Variants in SMTNL2 observed in about 807,000 individuals in gnomAD.
The protein encoded by SMTNL2 is smoothelin like 2.
SMTNL2 carries 43 observed loss-of-function variants against 44.1 expected under a neutral mutation model. The ratio of observed to expected loss-of-function variants is 0.98; its 90% confidence interval spans 0.76 to 1.26. SMTNL2 has a LOEUF of 1.26. SMTNL2 is among the 50% of genes most tolerant of loss of function. The pLI is 0.00. For missense variants in SMTNL2, 646 were observed against 670.2 expected (o/e 0.96, Z 0.40); for synonymous variants, 317 against 287.6 (o/e 1.10, Z -1.03).
At chr17:4,596,190 A>C (rs1478050575) in intron 5 of SMTNL2, among the ~76,000 whole-genome samples, 1 of 112,020 alleles carries the variant, frequency 8.9e-6, no homozygotes, top group Non-Finnish European at 1.8e-5. Flanking sequence ...GTGTGGCCCA[A>C]GCGTGGTATT....
chr17:4,607,430 C>A lies in SMTNL2; in HGVS notation c.1329C>A (p.Pro443=). Residue 443 remains proline (P), a synonymous_variant, in exon 8 of 8, where the codon CCC becomes CCA. Coordinates refer to ENST00000389313, the MANE Select transcript of SMTNL2 (RefSeq NM_001114974.2). The surrounding 1 kb of genome is among the most constrained non-coding windows in gnomAD (Gnocchi z 4.7). ...TGGTGATGGGCCGCAAGCCGGACCC[C>A]ATGTGTGTCTTCACCTACGTCCAGT... The part of the protein sequence containing the change: ...DMMVMGRKPD[P]MCVFTYVQSL... 1 of 1,614,242 alleles carries A rather than the reference C, an allele frequency of 6.2e-7. No homozygotes were observed. The highest frequency in any genetic ancestry group is 1.3e-5 in the African/African-American group (1 of 75,054).
chr17:4,597,453 A>G (rs1909867049), intron 7 of SMTNL2, 130 bp downstream of exon 7: 2 of 1,298,670 alleles, frequency 1.5e-6, no homozygotes, highest in Admixed American at 2.3e-5. Flanking sequence ...CCCTGGGGCC[A>G]TGTGGTCTGT....
At chr17:4,603,963 G>C (rs1272255252) in intron 7 of SMTNL2, among the ~76,000 whole-genome samples, 4 of 152,086 alleles carry the variant, frequency 2.6e-5, no homozygotes, top group African/African-American at 7.2e-5. Context: ...TCCTGCCTCA[G>C]CCTCCCGAGT....
chr17:4,596,494 G>T (rs1031002388), intron 5 of SMTNL2, among the ~76,000 whole-genome samples: 6 of 152,246 alleles, frequency 3.9e-5, no homozygotes, highest in Admixed American at 2.0e-4. Context: ...GGAGGAAGGA[G>T]CTGGGAAAGG....
At chr17:4,605,098 A>G (rs1055848520) in intron 7 of SMTNL2, among the ~76,000 whole-genome samples, 2 of 150,934 alleles carry the variant, frequency 1.3e-5, no homozygotes, top group African/African-American at 4.9e-5. Flanking sequence ...TGCTTCTTAA[A>G]GCAAGGCATG....
rs1001934205 is a variant in SMTNL2 at position 4,598,877 on chromosome 17, C to G, written c.1259+1554C>G. On this transcript the variant is annotated intron_variant, in intron 7 of 7. Coordinates refer to ENST00000389313, the MANE Select transcript of SMTNL2 (RefSeq NM_001114974.2). The surrounding 1 kb of genome is among the most constrained non-coding windows in gnomAD (Gnocchi z 4.8). Reference sequence around the variant, plus strand: ...GGCTTGTTGGGTTAAAGGAGCCTCACCCCAGGCCTCACCTGCCTTCCTCAT... The same window carrying G: ...GGCTTGTTGGGTTAAAGGAGCCTCAGCCCAGGCCTCACCTGCCTTCCTCAT... 3.2e-4 allele frequency among the ~76,000 whole-genome samples: 48 copies of G among 152,082 alleles called. No homozygotes were observed. Among genetic ancestry groups the G allele is most frequent in the African/African-American group, 1.2e-3 (48 of 41,406 alleles).
Position 4,593,493 on chromosome 17 carries a change from G to A in SMTNL2, c.730+322G>A, listed in dbSNP as rs377356868. 7.9e-4 allele frequency among the ~76,000 whole-genome samples: 120 copies of A among 152,360 alleles called. 1 individual carries two copies. In the South Asian group the frequency reaches 0.017, roughly 22 times the overall value. ...GACTTGGGCCTGTGGCCAGTCCTCC[G>A]TGGTATGTCCTGGGGGAAGCCGTGT... On this transcript the variant is annotated intron_variant, in intron 3 of 7. Transcript: ENST00000389313.
At position 4,595,519 on chromosome 17, in the gene SMTNL2, C is replaced by A. The variant is rs1156902905; in HGVS notation, c.989+192C>A. The stretch of plus-strand genomic sequence containing the variant: ...GGGCAGCTTGGGGGGACAGAGGACC[C>A]CAGTTGTTGGGGGAGATGGCTGTGA... On this transcript the variant is annotated intron_variant, in intron 5 of 7. Transcript: ENST00000389313. This position sits in a 1 kb window ranked among gnomAD's most constrained non-coding sequence, Gnocchi z 5.1. 6.6e-6 allele frequency among the ~76,000 whole-genome samples: 1 copy of A among 152,180 alleles called. No homozygotes were observed. Among genetic ancestry groups the A allele is most frequent in the African/African-American group, 2.4e-5 (1 of 41,448 alleles).
At chr17:4,597,914 T>C (rs1909881975) in intron 7 of SMTNL2, among the ~76,000 whole-genome samples, 1 of 152,162 alleles carries the variant, frequency 6.6e-6, no homozygotes, top group Non-Finnish European at 1.5e-5. Context: ...GGATTTGGTT[T>C]TTGGCCGAGG....
chr17:4,606,424 CTT>C (rs75460279), intron 7 of SMTNL2, among the ~76,000 whole-genome samples: 9 of 143,240 alleles, frequency 6.3e-5, no homozygotes, highest in Admixed American at 7.0e-5. Context: ...ATCCAGCCTA[CTT>C]TTTTTTTTTT....
chr17:4,593,258 G>T, intron 3 of SMTNL2, 87 bp downstream of exon 3: 5 of 1,485,748 alleles, frequency 3.4e-6, no homozygotes, highest in Non-Finnish European at 4.5e-6. Flanking sequence ...GAGTCGGTGG[G>T]TGACATGGAA....
rs201295295 is a variant in SMTNL2 at position 4,595,279 on chromosome 17, C to T, written c.941C>T (p.Ala314Val). 5.6e-4 allele frequency: 906 copies of T among 1,613,216 alleles called. 6 individuals are homozygous for T. Among genetic ancestry groups the T allele is most frequent in the Non-Finnish European group, 2.7e-5 (32 of 1,179,902 alleles). The stretch of plus-strand genomic sequence containing the variant: ...CTGCCCCGCACCTCGGAGGCGCAGG[C>T]CCGGAAAGCATTGTTTGAGAAGTGG... ...QTLPRTSEAQ[A>V]RKALFEKWEQ... is the part of the protein sequence containing the mutation. Residue 314 changes from alanine to valine, a missense_variant, in exon 5 of 8, where the codon GCC becomes GTC. Ala to Val is a moderately conservative substitution (Grantham distance 64, BLOSUM62 0). Transcript: ENST00000389313. This position sits in a 1 kb window ranked among gnomAD's most constrained non-coding sequence, Gnocchi z 5.1.
In SMTNL2 at chr17:4,595,353, C is replaced by T. The variant is rs1909767022; in HGVS notation, c.989+26C>T. 1.1e-5 allele frequency: 18 copies of T among 1,605,366 alleles called. No homozygotes were observed. The highest frequency in any genetic ancestry group is 1.5e-5 in the Non-Finnish European group (18 of 1,175,310). On this transcript the variant is annotated intron_variant, in intron 5 of 7. Transcript: ENST00000389313. This position sits in a 1 kb window ranked among gnomAD's most constrained non-coding sequence, Gnocchi z 5.1. ...GTACGGATGCCCACTCACAGACAGGCCCGGCCCCACGGTGTGCCCAGACCC... is the reference window on the plus strand; with the variant it reads ...GTACGGATGCCCACTCACAGACAGGTCCGGCCCCACGGTGTGCCCAGACCC...
At chr17:4,596,332 C>T (rs539932236) in intron 5 of SMTNL2, among the ~76,000 whole-genome samples, 75 of 152,336 alleles carry the variant, frequency 4.9e-4, no homozygotes, top group Non-Finnish European at 9.0e-4. Flanking sequence ...GGGGACCGAC[C>T]CCGGACATCT....
At chr17:4,589,203 G>A (rs1248726044) in intron 1 of SMTNL2, among the ~76,000 whole-genome samples, 1 of 152,144 alleles carries the variant, frequency 6.6e-6, no homozygotes, top group Admixed American at 6.5e-5. Context: ...GTTGTTGAGG[G>A]GCTGCAACGT....
chr17:4,593,790 G>A, intron 3 of SMTNL2, 32 bp from the exon 4 acceptor site: 1 of 1,609,368 alleles, frequency 6.2e-7, no homozygotes, highest in Non-Finnish European at 8.5e-7. Context: ...TGGGGCCAGG[G>A]TTTGTTACTT....
intron 7 of SMTNL2, among the ~76,000 whole-genome samples, chr17:4,605,404 T>C (rs1233227987): frequency 6.6e-6 from 1 of 151,624 alleles, no homozygotes; most frequent in Non-Finnish European, 1.5e-5. Flanking sequence ...CAAGTGATCC[T>C]CCTGCCTCGG....
At position 4,584,814 on chromosome 17, in the gene SMTNL2, T is replaced by G. The variant is rs1037378658; in HGVS notation, c.209T>G (p.Leu70Arg). 9.0e-6 allele frequency: 12 copies of G among 1,326,124 alleles called. No individual in the cohort carries two copies. The highest frequency in any genetic ancestry group is 1.5e-5 in the African/African-American group (1 of 64,622). The allele number at this position is 1,326,124 out of a possible 1,614,324, so 82.1% of individuals were successfully genotyped here. A position where few individuals can be genotyped will look rare whatever the true frequency, so the allele number is the denominator to read the frequency against. The change falls in exon 1 of 8, where the codon CTG (leucine) becomes CGG (arginine). Residue 70 changes from leucine (L) to arginine (R), a missense_variant. Physicochemically the swap from Leu to Arg is moderately radical, Grantham distance 102. Transcript: ENST00000389313. ...VADLQRDNQR[L>R]QAQLERLTRQ... ...GACCTGCAGCGGGACAACCAGCGGC[T>G]GCAGGCGCAGCTCGAGCGCCTGACG...
Position 4,595,029 on chromosome 17 carries a change from G to A in SMTNL2, c.807-116G>A. ...CGGAGCAAGGGGGCCTCTTCTCTGA[G>A]CGCCCATCACGGTGCAGGCTGCCTT... On this transcript the variant is annotated intron_variant, in intron 4 of 7. Coordinates refer to ENST00000389313, the MANE Select transcript of SMTNL2 (RefSeq NM_001114974.2). The surrounding 1 kb of genome is among the most constrained non-coding windows in gnomAD (Gnocchi z 5.1). The A allele has an allele frequency of 2.9e-6, 4 of 1,377,326 alleles. No homozygotes were observed. The South Asian group carries it at 4.9e-5, about 17-fold the overall frequency. The allele number at this position is 1,377,326 out of a possible 1,614,324, so 85.3% of individuals were successfully genotyped here.
Sources: gnomAD v4.1 joint callset for allele counts (sites outside exome capture counted in the v4.1 genomes callset) on GRCh38, gnomAD v4.1.1 for gene constraint, Gnocchi (gnomAD v3.1) non-coding constraint, MANE v1.5 for transcripts, NCBI Gene and HGNC (gene_info 2026-07-23, HGNC 2026-07-21) for gene names.